Variants in MYL3 observed in about 807,000 individuals in gnomAD.
The protein encoded by MYL3 is CMLC1.
A neutral mutation model predicts 21.3 loss-of-function variants in MYL3; 11 were observed. The observed-to-expected ratio is 0.52, with a 90% CI of 0.32 to 0.85. The LOEUF (loss-of-function observed/expected upper bound fraction) is 0.85. Ranked by LOEUF, MYL3 falls within the 40% of genes least tolerant of loss-of-function variation. The pLI, the probability that MYL3 is intolerant of heterozygous loss-of-function variation, is 0.03. For missense variants in MYL3, 206 were observed against 253.3 expected, an observed-to-expected ratio of 0.81 and a Z score of 1.27; for synonymous variants, 88 against 91.6, an observed-to-expected ratio of 0.96 and a Z score of 0.22.
At chr3:46,870,413 A>G (rs1575500698) in intron 1 of MYL3, among the ~76,000 whole-genome samples, 1 of 151,664 alleles carries the variant, frequency 6.6e-6, no homozygotes, top group Non-Finnish European at 1.5e-5. Context: ...TGGTGGTGAC[A>G]GTGAAGAGGG....
rs1327054682 is a variant in MYL3, at chr3:46,859,071, G to A, written c.481+404C>T. ...CTGCTGCAGGCAGCCGATGGTAGGG[G>A]TATAAGTGGGAGGTACACAGGGCTC... On this transcript the variant is annotated intron_variant, in intron 4 of 6. Coordinates refer to ENST00000292327, the MANE Select transcript of MYL3 (RefSeq NM_000258.3). The surrounding 1 kb of genome is among the most constrained non-coding windows in gnomAD (Gnocchi z 4.1). Among the ~76,000 whole-genome samples, 2 of 152,178 alleles carry A rather than the reference G, an allele frequency of 1.3e-5. No homozygotes were observed. Among genetic ancestry groups the A allele is most frequent in the Non-Finnish European group, 2.9e-5 (2 of 68,024 alleles).
intron 1 of MYL3, among the ~76,000 whole-genome samples, chr3:46,875,659 G>A (rs989047555): frequency 2.0e-5 from 3 of 152,174 alleles, no homozygotes; most frequent in East Asian, 3.8e-4. Flanking sequence ...GAACTGTTAC[G>A]ACGCTGCAAA....
chr3:46,864,194 G>T (rs1183996860), upstream of MYL3, among the ~76,000 whole-genome samples: 1 of 152,072 alleles, frequency 6.6e-6, no homozygotes, highest in African/African-American at 2.4e-5. This position sits in a 1 kb window ranked among gnomAD's most constrained non-coding sequence, Gnocchi z 4.7. Flanking sequence ...CTATGTGAGT[G>T]TGTCTGCGGG....
At position 46,874,436 on chromosome 3, in the gene MYL3, AG is replaced by A. The variant is rs1457675762; in HGVS notation, c.-218+7637del. Among the ~76,000 whole-genome samples, 1 of 152,136 alleles carries A rather than the reference AG, an allele frequency of 6.6e-6. No individual in the cohort carries two copies. The highest frequency in any genetic ancestry group is 2.4e-5 in the African/African-American group (1 of 41,434). The stretch of plus-strand genomic sequence containing the variant: ...CTAACAGGGCAGGAGTGTCAGGACT[AG>A]GGGTTCTCCACTCGAGGGCTCCCGG... On this transcript the variant is annotated intron_variant, in intron 1 of 3. Coordinates refer to the MYL3 transcript ENST00000431168. This position sits in a 1 kb window ranked among gnomAD's most constrained non-coding sequence, Gnocchi z 4.1.
chr3:46,876,520 T>C (rs904727906), intron 1 of MYL3, among the ~76,000 whole-genome samples: 2 of 152,248 alleles, frequency 1.3e-5, no homozygotes, highest in Non-Finnish European at 2.9e-5. Context: ...CTATGTCCCC[T>C]GGCCAGTCCA....
intron 1 of MYL3, among the ~76,000 whole-genome samples, chr3:46,862,633 G>A (rs1702004191): frequency 1.3e-5 from 2 of 152,138 alleles, no homozygotes; most frequent in Admixed American, 1.3e-4. Context: ...TTTAGACTCT[G>A]AGAAAGACTT....
intron 1 of MYL3, among the ~76,000 whole-genome samples, chr3:46,873,730 C>G (rs150739254): frequency 1.8e-4 from 27 of 152,300 alleles, no homozygotes; most frequent in African/African-American, 6.0e-4. Flanking sequence ...GCCCCCACAC[C>G]AGCTCAGGAA....
intron 1 of MYL3, among the ~76,000 whole-genome samples, chr3:46,880,682 A>T (rs2030494764): frequency 6.6e-6 from 1 of 152,108 alleles, no homozygotes; most frequent in African/African-American, 2.4e-5. Flanking sequence ...AGCAGAGATC[A>T]TGCCACTGGA....
chr3:46,875,049 T>C (rs978037101), intron 1 of MYL3, among the ~76,000 whole-genome samples: 5 of 152,116 alleles, frequency 3.3e-5, no homozygotes, highest in Non-Finnish European at 5.9e-5. Context: ...CAGGGAGAAC[T>C]GAAGACCTGA....
In MYL3 at chr3:46,860,741, C is replaced by T; in HGVS notation, c.242G>A (p.Arg81Gln). 2.5e-6 allele frequency: 4 copies of T among 1,614,140 alleles called. No homozygotes were observed. Among genetic ancestry groups the T allele is most frequent in the South Asian group, 1.1e-5 (1 of 91,086 alleles). The change falls in exon 3 of 7, where the codon CGG becomes CAG. Residue 81 changes from arginine to glutamine, a missense_variant. Coordinates refer to ENST00000292327, the MANE Select transcript of MYL3 (RefSeq NM_000258.3). This position sits in a 1 kb window ranked among gnomAD's most constrained non-coding sequence, Gnocchi z 4.6. ...ITYGQCGDVL[R>Q]ALGQNPTQAE... ...CTGTGTGGGGTTCTGGCCCAGCGCC[C>T]GCAGGACATCCCCACACTGCCCGTA... is the stretch of plus-strand genomic sequence containing the variant.
intron 1 of MYL3, among the ~76,000 whole-genome samples, chr3:46,876,261 G>A (rs1010240543): frequency 2.0e-5 from 3 of 152,222 alleles, no homozygotes; most frequent in African/African-American, 7.2e-5. Flanking sequence ...AGTGAGGATG[G>A]GGCCTGTGGG....
In MYL3 at chr3:46,861,117, C is replaced by A. The variant is rs908644881; in HGVS notation, c.130-130G>T. The A allele has an allele frequency of 5.7e-6, 6 of 1,048,462 alleles. No homozygotes were observed. Among genetic ancestry groups the A allele is most frequent in the Admixed American group, 1.9e-5 (1 of 52,628 alleles). The allele number at this position is 1,048,462 out of a possible 1,614,324, so 64.9% of individuals were successfully genotyped here. A position where few individuals can be genotyped will look rare whatever the true frequency, so the allele number is the denominator to read the frequency against. On this transcript the variant is annotated intron_variant, in intron 1 of 6. Transcript: ENST00000292327. This position sits in a 1 kb window ranked among gnomAD's most constrained non-coding sequence, Gnocchi z 4.2. ...TCCCATTCCAGCATCCCAGCCTGCA[C>A]CCCCAGGACCTCCTGCAGTCCATCT...
chr3:46,872,442 A>ACC (rs200592186), intron 1 of MYL3, among the ~76,000 whole-genome samples: 8 of 137,418 alleles, frequency 5.8e-5, no homozygotes, highest in African/African-American at 1.1e-4. Context: ...GGGCCCCAAG[A>ACC]CCCCCCCCCT....
intron 1 of MYL3, among the ~76,000 whole-genome samples, chr3:46,872,854 C>T (rs1575501266): frequency 6.6e-6 from 1 of 152,228 alleles, no homozygotes; most frequent in East Asian, 1.9e-4. Flanking sequence ...CGACAATGAG[C>T]GTTCCAACAA....
chr3:46,858,394 G>A lies in MYL3; in HGVS notation c.549C>T (p.Ile183=), dbSNP rs963631094. 10 of 1,614,076 alleles carry A rather than the reference G, an allele frequency of 6.2e-6. No individual in the cohort carries two copies. The highest frequency in any genetic ancestry group is 8.5e-6 in the Non-Finnish European group (10 of 1,180,020). The change falls in exon 5 of 7, where the codon ATC becomes ATT. Residue 183 remains isoleucine (I), a synonymous_variant. Transcript: ENST00000292327. ...MAGQEDSNGC[I]NYEAFVKHIM... is the part of the protein sequence containing the mutation. ...CCCTGCTGAGCCCACCTTCATAGTT[G>A]ATGCAGCCATTGGAGTCCTCTTGCC...
intron 1 of MYL3, among the ~76,000 whole-genome samples, chr3:46,873,436 G>T (rs2030020257): frequency 6.6e-6 from 1 of 152,210 alleles, no homozygotes; most frequent in African/African-American, 2.4e-5. Flanking sequence ...AGAACACATT[G>T]TTCCTCCTCC....
At position 46,874,701 on chromosome 3, in the gene MYL3, C is replaced by A. The variant is rs1413318397; in HGVS notation, c.-218+7373G>T. Among the ~76,000 whole-genome samples, 1 of 152,200 alleles carries A rather than the reference C, an allele frequency of 6.6e-6. No individual in the cohort carries two copies. The highest frequency in any genetic ancestry group is 2.4e-5 in the African/African-American group (1 of 41,442). ...AGGCGGAAACACGTGTCAAACACGC[C>A]TGGGAGGGGGTATTCCGAGGCACAG... On this transcript the variant is annotated intron_variant, in intron 1 of 3. Coordinates refer to the MYL3 transcript ENST00000431168. The surrounding 1 kb of genome is among the most constrained non-coding windows in gnomAD (Gnocchi z 4.1).
Sources: allele counts gnomAD v4.1 joint callset (sites outside exome capture counted in the v4.1 genomes callset), GRCh38; gene constraint gnomAD v4.1.1; non-coding constraint Gnocchi (gnomAD v3.1); transcripts MANE v1.5; gene names NCBI Gene and HGNC (gene_info 2026-07-23, HGNC 2026-07-21).